SOD2: variants seen among roughly 807,000 people sequenced by gnomAD.
SOD2 encodes superoxide dismutase [Mn], mitochondrial.
A neutral mutation model predicts 27.0 loss-of-function variants in SOD2; 11 were observed. That is an observed-to-expected ratio of 0.41 (90% CI 0.26 to 0.67). SOD2 has a LOEUF of 0.67. Among genes scored for constraint, SOD2 ranks in the 30% least tolerant of loss-of-function variants. The probability of loss-of-function intolerance (pLI) is 0.34; values close to 1 mark genes in which losing one functional copy is unlikely to be tolerated. For missense variants in SOD2, 250 were observed against 274.5 expected, an observed-to-expected ratio of 0.91 and a Z score of 0.63; for synonymous variants, 105 against 103.0, an observed-to-expected ratio of 1.02 and a Z score of -0.12.
At chr6:159,749,193 T>G (rs1008501851), upstream of SOD2, 4 of 985,876 alleles carry the variant, frequency 4.1e-6, no homozygotes, top group Non-Finnish European at 3.6e-6. Flanking sequence ...TGAAACTGTT[T>G]GAAGCATTAT....
At chr6:159,732,274 A>G (rs975295268), upstream of SOD2, among the ~76,000 whole-genome samples, 20 of 152,202 alleles carry the variant, frequency 1.3e-4, no homozygotes, top group Non-Finnish European at 2.5e-4. Flanking sequence ...AGCATCCATG[A>G]TACTTTAGTA....
At chr6:159,692,921 T>A (rs1202814742) in intron 1 of SOD2, 58 bp from the exon 2 acceptor site, 1 of 1,450,584 alleles carries the variant, frequency 6.9e-7, no homozygotes, top group East Asian at 2.6e-5. Flanking sequence ...CTACGCAGGC[T>A]GGGCTGCCGA....
At chr6:159,706,344 C>G (rs1019465075) in intron 1 of SOD2, among the ~76,000 whole-genome samples, 32 of 152,072 alleles carry the variant, frequency 2.1e-4, no homozygotes, top group African/African-American at 7.2e-4. Flanking sequence ...AGAGTCAAGA[C>G]CCATCAGTCT....
At chr6:159,685,732 T>A in intron 3 of SOD2, among the ~76,000 whole-genome samples, 1 of 152,002 alleles carries the variant, frequency 6.6e-6, no homozygotes, top group Non-Finnish European at 1.5e-5. Flanking sequence ...CATTTTTATA[T>A]CCATAAGTAC....
At chr6:159,729,793 A>G (rs916277727), upstream of SOD2, among the ~76,000 whole-genome samples, 4 of 152,066 alleles carry the variant, frequency 2.6e-5, no homozygotes, top group Admixed American at 1.3e-4. Flanking sequence ...ACATTCAGCT[A>G]TGATTTGTTC....
At position 159,688,226 on chromosome 6, in the gene SOD2, C is replaced by G. The variant is rs926845391; in HGVS notation, c.243G>C (p.Gln81His). Residue 81 changes from glutamine to histidine, a missense_variant, in exon 3 of 5, where the codon CAG becomes CAC. Gln to His is a conservative substitution (Grantham distance 24, BLOSUM62 0). Transcript: ENST00000538183. ...EALAKGDVTAQIALQPALKFN... is the reference protein window; with the variant it reads ...EALAKGDVTAHIALQPALKFN... ...ACTTCAGTGCAGGCTGAAGAGCTAT[C>G]TGGGCTGTAACATCTCCTGAAAAGT... is the stretch of plus-strand genomic sequence containing the variant. The G allele has an allele frequency of 6.2e-7, 1 of 1,610,154 alleles. No homozygotes were observed. The highest frequency in any genetic ancestry group is 1.3e-5 in the African/African-American group (1 of 74,824).
At chr6:159,755,765 CT>C in intron 1 of SOD2, 22,515 of 172,080 alleles carry the variant, frequency 0.13, no homozygotes, top group Non-Finnish European at 0.14. Flanking sequence ...TTTTTCTTTT[CT>C]TTTTTTTTTT....
At chr6:159,707,822 G>C (rs143453453) in intron 1 of SOD2, among the ~76,000 whole-genome samples, 3,108 of 152,100 alleles carry the variant, frequency 0.02, 55 homozygotes, top group Middle Eastern at 0.048. Context: ...AAAAAAAAGA[G>C]AATTTTAGAC....
chr6:159,757,479 C>T (rs1205250715), intron 1 of SOD2, among the ~76,000 whole-genome samples: 12 of 149,928 alleles, frequency 8.0e-5, no homozygotes, highest in African/African-American at 2.4e-4. Context: ...GTGGCACCAT[C>T]GTGGCTCACT....
chr6:159,732,190 A>T (rs1029490251), upstream of SOD2, among the ~76,000 whole-genome samples: 2 of 152,168 alleles, frequency 1.3e-5, no homozygotes, highest in African/African-American at 4.8e-5. Flanking sequence ...ATATAAATGG[A>T]CCCATGCAGC....
intron 2 of SOD2, chr6:159,691,579 C>T (rs1018426305): frequency 6.6e-6 from 1 of 152,158 alleles, no homozygotes; most frequent in South Asian, 2.1e-4. Flanking sequence ...TATCGATTAT[C>T]TTCCTTGTGC....
At chr6:159,749,628 CT>C (rs925014944), upstream of SOD2, among the ~76,000 whole-genome samples, 2 of 152,100 alleles carry the variant, frequency 1.3e-5, no homozygotes, top group African/African-American at 4.8e-5. Flanking sequence ...ACACTTGTTA[CT>C]TTTATGACAC....
In SOD2 at chr6:159,671,251, C is replaced by T. The variant is rs966629815; in HGVS notation, c.*11242G>A. On this transcript the variant is annotated 3_prime_UTR_variant, in exon 5 of 5. Coordinates refer to ENST00000538183, the MANE Select transcript of SOD2 (RefSeq NM_000636.4). ...GACAGCTTTGAAGAGACCAGTGGTT[C>T]TCCCAGCACAGAGTTTGAGATCTGA... The T allele has an allele frequency of 6.6e-6, 1 of 152,348 alleles. No homozygotes were observed. The highest frequency in any genetic ancestry group is 1.5e-5 in the Non-Finnish European group (1 of 68,138). The allele number at this position is 152,348 out of a possible 1,614,324, so 9.4% of individuals were successfully genotyped here. A position where few individuals can be genotyped will look rare whatever the true frequency, so the allele number is the denominator to read the frequency against.
chr6:159,727,448 G>A (rs1778253979), upstream of SOD2: 8 of 1,096,978 alleles, frequency 7.3e-6, no homozygotes, highest in Non-Finnish European at 9.0e-6. Context: ...CTGTGGGGCG[G>A]GGCAGGGCGG....
chr6:159,730,421 G>T (rs1778495794), upstream of SOD2, among the ~76,000 whole-genome samples: 1 of 151,796 alleles, frequency 6.6e-6, no homozygotes, highest in Non-Finnish European at 1.5e-5. Context: ...TTAAATTTAG[G>T]TTATTGTGTT....
intron 1 of SOD2, among the ~76,000 whole-genome samples, chr6:159,712,315 T>C (rs570961253): frequency 6.9e-6 from 1 of 145,580 alleles, no homozygotes; most frequent in Non-Finnish European, 1.5e-5. Context: ...TAACCACCAC[T>C]CACACTGCTC....
chr6:159,736,533 C>T (rs1296887046), intron 1 of SOD2: 3 of 386,012 alleles, frequency 7.8e-6, no homozygotes, highest in African/African-American at 6.2e-5. Flanking sequence ...TAATAATATT[C>T]CCATGGTCTA....
intron 1 of SOD2, chr6:159,713,015 C>A: frequency 1.6e-6 from 1 of 636,828 alleles, no homozygotes; most frequent in Non-Finnish European, 2.9e-6. Flanking sequence ...ATCTGCCCTA[C>A]CAGTAAACTC....
exon 1 of SOD2, chr6:159,762,147 G>A: frequency 1.2e-6 from 2 of 1,610,202 alleles, no homozygotes; most frequent in South Asian, 2.2e-5. Context: ...TCATAGGTGA[G>A]TGGCCGGCGG....
Sources: gnomAD v4.1 joint callset for allele counts (sites outside exome capture counted in the v4.1 genomes callset) on GRCh38, gnomAD v4.1.1 for gene constraint, MANE v1.5 for transcripts, NCBI Gene and HGNC (gene_info 2026-07-23, HGNC 2026-07-21) for gene names.